The following CPAMD8 variants were observed in gnomAD, a reference collection of about 807,000 sequenced individuals.
The protein encoded by CPAMD8 is C3 and PZP-like alpha-2-macroglobulin domain-containing protein 8.
Under a neutral mutation model 224.7 loss-of-function variants are expected in CPAMD8, and 146 were observed. That is an observed-to-expected ratio of 0.65 (90% CI 0.57 to 0.75). The LOEUF is 0.75. CPAMD8 is among the 30% of genes least tolerant of loss of function. The pLI, the probability that CPAMD8 is intolerant of heterozygous loss-of-function variation, is 0.00. For synonymous variants in CPAMD8, 966 were observed against 1,044.6 expected, an observed-to-expected ratio of 0.92 and a Z score of 1.45; for missense variants, 2,301 against 2,537.5, an observed-to-expected ratio of 0.91 and a Z score of 2.00.
rs1316863763 is a variant in CPAMD8, at chr19:16,964,404, G to A, written c.2213+6487C>T. 3.9e-5 allele frequency among the ~76,000 whole-genome samples: 6 copies of A among 151,932 alleles called. No individual in the cohort carries two copies. In the East Asian group the frequency reaches 7.7e-4, roughly 19 times the overall value. ...ATACAAACTACCATCAGAGAATACT[G>A]TAAACACCTCTACGCAAATAAACCA... On this transcript the variant is annotated intron_variant, in intron 18 of 41. Coordinates refer to ENST00000443236, the MANE Select transcript of CPAMD8 (RefSeq NM_015692.5).
chr19:17,022,278 G>T, intron 1 of CPAMD8, 97 bp from the exon 2 acceptor site: 1 of 1,377,848 alleles, frequency 7.3e-7, no homozygotes, highest in Non-Finnish European at 9.9e-7. Flanking sequence ...GCAGACTCCT[G>T]CCTTTTGCTG....
chr19:16,996,640 G>A (rs547878900), intron 11 of CPAMD8, among the ~76,000 whole-genome samples: 6 of 151,952 alleles, frequency 3.9e-5, no homozygotes, highest in African/African-American at 7.3e-5. Flanking sequence ...CCAACATGGC[G>A]AAACCCCGTC....
At chr19:16,921,437 G>C (rs183634884) in intron 27 of CPAMD8, among the ~76,000 whole-genome samples, 13 of 152,162 alleles carry the variant, frequency 8.5e-5, no homozygotes, top group African/African-American at 3.1e-4. Context: ...CGGCCTCCCA[G>C]GGGCCCTCCC....
intron 10 of CPAMD8, among the ~76,000 whole-genome samples, chr19:16,998,078 A>C (rs946083858): frequency 7.2e-5 from 11 of 152,208 alleles, no homozygotes; most frequent in African/African-American, 2.7e-4. Context: ...CTCCCAGGAG[A>C]ATGGCTGGGA....
chr19:17,025,609 C>G (rs1051845206), intron 1 of CPAMD8, among the ~76,000 whole-genome samples: 11 of 152,178 alleles, frequency 7.2e-5, no homozygotes, highest in Non-Finnish European at 1.3e-4. Context: ...CCAAATGCCT[C>G]TCCCTATTTG....
chr19:16,906,134 C>T (rs890785487), intron 30 of CPAMD8, among the ~76,000 whole-genome samples: 41 of 152,230 alleles, frequency 2.7e-4, no homozygotes, highest in African/African-American at 9.1e-4. Context: ...GAAAGTGATG[C>T]TTGGGGCTGG....
rs1159769808 is a variant in CPAMD8 at position 16,898,438 on chromosome 19, A to G, written c.4849-444T>C. Among the ~76,000 whole-genome samples the G allele has an allele frequency of 6.6e-6, 1 of 151,770 alleles. No homozygotes were observed. Among genetic ancestry groups the G allele is most frequent in the Non-Finnish European group, 1.5e-5 (1 of 67,914 alleles). The stretch of plus-strand genomic sequence containing the variant: ...TGGGTCCTTCCATCCCACTGGGAAA[A>G]CGTCTCAGGTGGCCTCTGAAACACC... On this transcript the variant is annotated intron_variant, in intron 37 of 41. Coordinates refer to ENST00000443236, the MANE Select transcript of CPAMD8 (RefSeq NM_015692.5). This position sits in a 1 kb window ranked among gnomAD's most constrained non-coding sequence, Gnocchi z 4.2.
intron 8 of CPAMD8, among the ~76,000 whole-genome samples, chr19:17,002,903 TTCTTTTC>T (rs2056376057): frequency 9.2e-6 from 1 of 108,324 alleles, no homozygotes; most frequent in Non-Finnish European, 1.9e-5. Context: ...TTCTTTTCTT[TTCTTTTC>T]TTTTTTTTTT....
At chr19:17,009,234 A>T (rs2056581293) in intron 6 of CPAMD8, 69 bp downstream of exon 6, 3 of 1,613,346 alleles carry the variant, frequency 1.9e-6, no homozygotes, top group Admixed American at 3.3e-5. Flanking sequence ...GCGAAGACAG[A>T]CCAGATCTTG....
intron 7 of CPAMD8, among the ~76,000 whole-genome samples, chr19:17,007,580 GA>G (rs1028959760): frequency 1.1e-4 from 17 of 152,036 alleles, no homozygotes; most frequent in African/African-American, 3.9e-4. Context: ...ACAGAAGGAG[GA>G]AGGGTCACCA....
Position 16,921,960 on chromosome 19 carries a change from G to T in CPAMD8, c.3574C>A (p.Arg1192Ser). 1.5e-5 allele frequency: 23 copies of T among 1,548,174 alleles called. No homozygotes were observed. Among genetic ancestry groups the T allele is most frequent in the Non-Finnish European group, 2.0e-5 (23 of 1,146,732 alleles). ...AACGCGCTGTAGGAGCCATCCTGGCGCTTGTAGGTCAGCTGGCGCTGGTAG... is the reference window on the plus strand; with the variant it reads ...AACGCGCTGTAGGAGCCATCCTGGCTCTTGTAGGTCAGCTGGCGCTGGTAG... ...QGYQRQLTYK[R>S]QDGSYSAFGE... Residue 1192 changes from arginine to serine, a missense_variant, in exon 27 of 42, where the codon CGC becomes AGC. By Grantham distance (110) the Arg-to-Ser change is moderately radical (BLOSUM62 -1). Around this residue, in one of 4 missense-constraint regions of CPAMD8, gnomAD observed 1,709 missense variants for 1,753.2 expected, o/e 0.97. Transcript: ENST00000443236.
intron 5 of CPAMD8, chr19:17,009,630 C>T (rs1301251804): frequency 8.4e-5 from 19 of 227,304 alleles, no homozygotes; most frequent in African/African-American, 2.0e-4. Flanking sequence ...AAAAATTAGC[C>T]GGGCATGGTC....
At chr19:16,940,551 C>T (rs1452028023) in intron 22 of CPAMD8, among the ~76,000 whole-genome samples, 1 of 152,138 alleles carries the variant, frequency 6.6e-6, no homozygotes, top group Non-Finnish European at 1.5e-5. Flanking sequence ...TACTGACAGT[C>T]AGTTCTTGTT....
chr19:16,937,597 T>G (rs2053736785), intron 23 of CPAMD8, among the ~76,000 whole-genome samples: 1 of 150,270 alleles, frequency 6.7e-6, no homozygotes, highest in Non-Finnish European at 1.5e-5. Context: ...TGTCTCAACC[T>G]CCCAAGTAGC....
chr19:16,936,991 C>A (rs2053706977), intron 23 of CPAMD8, among the ~76,000 whole-genome samples: 1 of 150,818 alleles, frequency 6.6e-6, no homozygotes, highest in African/African-American at 2.4e-5. Flanking sequence ...CTTTCTCCTT[C>A]CTTCCTTCCT....
At chr19:16,913,456 G>A (rs1211401978) in intron 29 of CPAMD8, among the ~76,000 whole-genome samples, 1 of 152,170 alleles carries the variant, frequency 6.6e-6, no homozygotes, top group Admixed American at 6.6e-5. Flanking sequence ...GAAACGCCAT[G>A]TGAACATACA....
intron 10 of CPAMD8, among the ~76,000 whole-genome samples, chr19:16,997,977 G>A (rs569801133): frequency 6.6e-6 from 1 of 152,300 alleles, no homozygotes; most frequent in Admixed American, 6.5e-5. Flanking sequence ...TCCCACCCTG[G>A]GACTTGGCAA....
chr19:16,946,627 T>A (rs1462009721), intron 21 of CPAMD8, among the ~76,000 whole-genome samples: 1 of 149,506 alleles, frequency 6.7e-6, no homozygotes, highest in Non-Finnish European at 1.5e-5. Context: ...GGTGTGTGTA[T>A]GCATGTCTAC....
intron 29 of CPAMD8, chr19:16,910,934 G>C (rs893788981): frequency 6.6e-6 from 1 of 152,402 alleles, no homozygotes; most frequent in Non-Finnish European, 1.5e-5. Context: ...TCTTCCCTTA[G>C]AGCCTGCAGA....
Sources: allele counts gnomAD v4.1 joint callset (sites outside exome capture counted in the v4.1 genomes callset), GRCh38; gene constraint gnomAD v4.1.1; regional missense constraint gnomAD v4.1.1; non-coding constraint Gnocchi (gnomAD v3.1); transcripts MANE v1.5; gene names NCBI Gene and HGNC (gene_info 2026-07-23, HGNC 2026-07-21).